Variants in SNX24 observed in about 807,000 individuals in gnomAD.
SNX24 encodes the protein sorting nexin-24.
A neutral mutation model predicts 28.7 loss-of-function variants in SNX24; 22 were observed. The ratio of observed to expected loss-of-function variants is 0.77; its 90% CI spans 0.55 to 1.10. The LOEUF (loss-of-function observed/expected upper bound fraction) is 1.10. Ranked by LOEUF, SNX24 falls within the 50% of genes least tolerant of loss-of-function variation. The pLI, the probability that SNX24 is intolerant of heterozygous loss-of-function variation, is 0.00. For missense variants in SNX24, 221 were observed against 201.1 expected, an observed-to-expected ratio of 1.10 and a Z score of -0.60; for synonymous variants, 69 against 71.5, an observed-to-expected ratio of 0.96 and a Z score of 0.18.
At chr5:123,022,105 C>T (rs1165464313) in intron 5 of SNX24, among the ~76,000 whole-genome samples, 1 of 152,150 alleles carries the variant, frequency 6.6e-6, no homozygotes, top group East Asian at 1.9e-4. Flanking sequence ...CTGTCTTCCC[C>T]CACTAGACTG....
At chr5:122,868,753 T>G (rs1157936295) in intron 1 of SNX24, among the ~76,000 whole-genome samples, 1 of 152,024 alleles carries the variant, frequency 6.6e-6, no homozygotes, top group Non-Finnish European at 1.5e-5. Context: ...AGAGGTCCAC[T>G]CACATTATGA....
chr5:122,968,093 C>A (rs1760791979), intron 3 of SNX24, among the ~76,000 whole-genome samples: 1 of 152,194 alleles, frequency 6.6e-6, no homozygotes, highest in African/African-American at 2.4e-5. Flanking sequence ...ATTCTCTCTA[C>A]CTCCCTTAAA....
intron 1 of SNX24, among the ~76,000 whole-genome samples, chr5:122,851,252 C>G (rs1315181155): frequency 6.6e-6 from 1 of 151,344 alleles, no homozygotes; most frequent in Non-Finnish European, 1.5e-5. Context: ...GCAGCCTCTG[C>G]CTCCTGGGTT....
intron 3 of SNX24, among the ~76,000 whole-genome samples, chr5:122,958,126 T>G (rs1329364222): frequency 1.3e-5 from 2 of 152,202 alleles, no homozygotes; most frequent in African/African-American, 4.8e-5. Context: ...AAGCTTTCAG[T>G]CTTTCACTGT....
chr5:122,960,325 G>T (rs1021887070), intron 3 of SNX24, among the ~76,000 whole-genome samples: 13 of 152,042 alleles, frequency 8.6e-5, no homozygotes, highest in Non-Finnish European at 1.9e-4. Flanking sequence ...AAGCAGTGTT[G>T]TACTAGTTGG....
chr5:122,913,174 T>C lies in SNX24; in HGVS notation c.61-23560T>C, dbSNP rs1382782624. 7.2e-5 allele frequency among the ~76,000 whole-genome samples: 11 copies of C among 152,360 alleles called. No homozygotes were observed. In the East Asian group the frequency reaches 1.7e-3, roughly 24 times the overall value. On this transcript the variant is annotated intron_variant, in intron 1 of 6. Transcript: ENST00000261369. ...ATCTTTTCCCCACCTTTCCCCCTTT[T>C]CTATTCCACAAAACCGCCATTGTCA...
chr5:122,982,040 C>G (rs188411055), intron 3 of SNX24, among the ~76,000 whole-genome samples: 1 of 152,176 alleles, frequency 6.6e-6, no homozygotes, highest in Non-Finnish European at 1.5e-5. Context: ...TCTGTTTGTG[C>G]CTTTGTCATT....
chr5:122,908,429 C>T (rs1757740187), intron 1 of SNX24, among the ~76,000 whole-genome samples: 1 of 152,146 alleles, frequency 6.6e-6, no homozygotes, highest in Non-Finnish European at 1.5e-5. Flanking sequence ...ACTGTAGCAG[C>T]CGGCACTTTT....
chr5:122,893,332 G>A (rs557092881), intron 1 of SNX24, among the ~76,000 whole-genome samples: 4 of 150,620 alleles, frequency 2.7e-5, no homozygotes, highest in Non-Finnish European at 5.9e-5. Context: ...AATAAGATAT[G>A]CAGGTTCACC....
intron 1 of SNX24, chr5:122,853,706 C>A: frequency 4.8e-6 from 2 of 413,828 alleles, no homozygotes; most frequent in South Asian, 1.8e-5. Flanking sequence ...CAGGCAGGCC[C>A]TGAACTCCTG....
chr5:122,852,672 T>A (rs542206056), intron 1 of SNX24, among the ~76,000 whole-genome samples: 18 of 152,280 alleles, frequency 1.2e-4, no homozygotes, highest in Admixed American at 9.8e-4. Flanking sequence ...CTTTTCTCCC[T>A]AGAACCCCTG....
intron 1 of SNX24, among the ~76,000 whole-genome samples, chr5:122,875,679 A>G (rs1756192197): frequency 6.6e-6 from 1 of 152,266 alleles, no homozygotes. Context: ...CAGAAACCAC[A>G]ATTACTTTTG....
At chr5:123,021,082 A>G (rs1477689531) in intron 5 of SNX24, among the ~76,000 whole-genome samples, 2 of 149,228 alleles carry the variant, frequency 1.3e-5, no homozygotes, top group African/African-American at 5.0e-5. Context: ...CACTGTTCCT[A>G]TCCTCTCTGC....
At position 123,001,970 on chromosome 5, in the gene SNX24, C is replaced by T. The variant is rs763675788; in HGVS notation, c.408C>T (p.Phe136=). Residue 136 remains phenylalanine (F), a synonymous_variant, in exon 6 of 7, where the codon TTC becomes TTT. Coordinates refer to ENST00000261369, the MANE Select transcript of SNX24 (RefSeq NM_014035.4). ...TGTCCCACCAGCCTGTGCTGCTGTT[C>T]CTCAGGGATCCATATGTCTTGCCTG... ...SKLSHQPVLL[F]LRDPYVLPAA... is the part of the protein sequence containing the mutation. 3 of 1,614,174 alleles carry T rather than the reference C, an allele frequency of 1.9e-6. No individual in the cohort carries two copies. Among genetic ancestry groups the T allele is most frequent in the East Asian group, 2.2e-5 (1 of 44,888 alleles).
chr5:122,898,580 G>T (rs1007901054), intron 1 of SNX24, among the ~76,000 whole-genome samples: 1 of 152,132 alleles, frequency 6.6e-6, no homozygotes, highest in East Asian at 1.9e-4. Context: ...GAGTTCTTTG[G>T]TCTGGGAAAG....
Position 123,007,748 on chromosome 5 carries a change from A to G in SNX24, c.509A>G (p.Ter170TrpextTer25), listed in dbSNP as rs777344026. The G allele has an allele frequency of 5.0e-6, 8 of 1,600,384 alleles. No individual in the cohort carries two copies. The highest frequency in any genetic ancestry group is 6.8e-6 in the Non-Finnish European group (8 of 1,176,668). ...TTTTACCCTCATCTACAGCCCAGGT[A>G]GAAATCCTACATGGCTAAAAGAAGC... is the stretch of plus-strand genomic sequence containing the variant. ...GIFYPHLQPR[*>W] The change falls in exon 7 of 7, where the codon TAG becomes TGG. Residue 170 changes from the stop codon to tryptophan (W), a stop_lost. Transcript: ENST00000261369.
intron 1 of SNX24, among the ~76,000 whole-genome samples, chr5:122,912,999 A>T (rs933422287): frequency 1.2e-4 from 19 of 152,302 alleles, no homozygotes; most frequent in African/African-American, 4.6e-4. Flanking sequence ...GAGTGGACAC[A>T]GCACATGTTT....
At chr5:122,941,444 T>C (rs1057464104) in intron 2 of SNX24, among the ~76,000 whole-genome samples, 1 of 152,180 alleles carries the variant, frequency 6.6e-6, no homozygotes, top group African/African-American at 2.4e-5. Context: ...ATGTCGAATG[T>C]CTTTTCCTGT....
In SNX24 at chr5:122,845,699, C is replaced by T. The variant is rs765733380; in HGVS notation, c.60+6C>T. 6.5e-6 allele frequency: 9 copies of T among 1,376,532 alleles called. No individual in the cohort carries two copies. The South Asian group carries it at 1.5e-4, about 23-fold the overall frequency. The allele number at this position is 1,376,532 out of a possible 1,614,324, so 85.3% of individuals were successfully genotyped here. A position where few individuals can be genotyped will look rare whatever the true frequency, so the allele number is the denominator to read the frequency against. ...ACCTGGAGCGGGGATACACGGTAGG[C>T]GCGGGCCGCGGGCGGACAGGGCCCC... On this transcript the variant is annotated splice_donor_region_variant and intron_variant, in intron 1 of 6. Transcript: ENST00000261369.
Sources: allele counts gnomAD v4.1 joint callset (sites outside exome capture counted in the v4.1 genomes callset), GRCh38; gene constraint gnomAD v4.1.1; transcripts MANE v1.5; gene names NCBI Gene and HGNC (gene_info 2026-07-23, HGNC 2026-07-21).